Variants in KANTR observed in about 807,000 individuals in gnomAD.
KANTR encodes KANTR integral membrane protein.
intron 2 of KANTR, among the ~76,000 whole-genome samples, chrX:53,109,254 T>G (rs185304512): frequency 8.9e-6 from 1 of 112,164 alleles, no homozygotes; most frequent in East Asian, 2.8e-4. Flanking sequence ...TTGGTTAAAT[T>G]TATTCCTAAG....
downstream of KANTR, among the ~76,000 whole-genome samples, chrX:53,130,503 T>A (rs1933347818): frequency 8.9e-6 from 1 of 112,173 alleles, no homozygotes; most frequent in Non-Finnish European, 1.9e-5. Context: ...TGTTTTAGAA[T>A]TTGTCTAGCA....
chrX:53,130,124 C>T (rs782151751), downstream of KANTR, among the ~76,000 whole-genome samples: 2 of 111,674 alleles, frequency 1.8e-5, no homozygotes, highest in African/African-American at 6.5e-5. Flanking sequence ...ACCTTGGCCT[C>T]CCAAAGTGCT....
chrX:53,147,188 T>G (rs1346203329), downstream of KANTR, among the ~76,000 whole-genome samples: 1 of 110,770 alleles, frequency 9.0e-6, no homozygotes, highest in African/African-American at 3.3e-5. Flanking sequence ...GGATAAAGAG[T>G]CAAGACCCAT....
chrX:53,128,571 T>G (rs1056975467), downstream of KANTR, among the ~76,000 whole-genome samples: 8 of 112,061 alleles, frequency 7.1e-5, no homozygotes, highest in African/African-American at 1.9e-4. Flanking sequence ...ATAAACTGTT[T>G]AGGATTTTTG....
intron 1 of KANTR, 32 bp downstream of exon 1, chrX:53,094,316 G>A (rs1205607599): frequency 9.0e-6 from 1 of 111,691 alleles, no homozygotes; most frequent in Non-Finnish European, 1.9e-5. Flanking sequence ...GCGGTGGGGG[G>A]AGTGGCAGCG....
intron 2 of KANTR, among the ~76,000 whole-genome samples, chrX:53,109,407 C>T (rs1316578787): frequency 1.8e-5 from 2 of 112,167 alleles, no homozygotes; most frequent in Non-Finnish European, 3.8e-5. Context: ...GCCTCAGCCT[C>T]CCGAGTAGCT....
chrX:53,141,428 C>T (rs1028527817), intron 2 of KANTR, among the ~76,000 whole-genome samples: 1 of 111,827 alleles, frequency 8.9e-6, no homozygotes, highest in Non-Finnish European at 1.9e-5. Flanking sequence ...TTATTAGATT[C>T]AATCTGCTCT....
At chrX:53,116,018 T>A (rs964620949) in intron 2 of KANTR, among the ~76,000 whole-genome samples, 9 of 112,368 alleles carry the variant, frequency 8.0e-5, no homozygotes, top group Middle Eastern at 4.2e-3. Flanking sequence ...TAGTTCTTTT[T>A]CTTGTTGCTG....
chrX:53,096,265 C>CT (rs782305350), intron 1 of KANTR, among the ~76,000 whole-genome samples: 1 of 112,271 alleles, frequency 8.9e-6, no homozygotes, highest in Non-Finnish European at 1.9e-5. Flanking sequence ...GGATTTTTGT[C>CT]TTTTTTGTTC....
At chrX:53,101,664 T>G (rs1932894629) in intron 2 of KANTR, among the ~76,000 whole-genome samples, 1 of 110,724 alleles carries the variant, frequency 9.0e-6, no homozygotes, top group Non-Finnish European at 1.9e-5. Flanking sequence ...TGGGTACAGT[T>G]CATGGTGCCC....
At chrX:53,121,662 G>A (rs1413289449) in intron 2 of KANTR, among the ~76,000 whole-genome samples, 5 of 109,169 alleles carry the variant, frequency 4.6e-5, no homozygotes, top group African/African-American at 1.7e-4. Flanking sequence ...AGCCGAGAAT[G>A]ACCTTGTTTT....
At chrX:53,107,111 C>G (rs896420012) in intron 2 of KANTR, among the ~76,000 whole-genome samples, 2 of 109,848 alleles carry the variant, frequency 1.8e-5, no homozygotes, top group South Asian at 7.4e-4. Context: ...AGTCTTCCAA[C>G]TTTGTTCTTT....
At chrX:53,126,617 A>T (rs1933294908) in exon 3 of KANTR, 1 of 111,844 alleles carries the variant, frequency 8.9e-6, no homozygotes, top group Non-Finnish European at 1.9e-5. Flanking sequence ...TACATCTGTT[A>T]TTACTTCTTT....
chrX:53,110,112 G>A (rs781903042), intron 2 of KANTR, among the ~76,000 whole-genome samples: 3 of 111,584 alleles, frequency 2.7e-5, no homozygotes, highest in African/African-American at 3.3e-5. Context: ...AGATTGTGTC[G>A]TCTGCAAATG....
At chrX:53,134,355 T>C (rs1231887607) in intron 2 of KANTR, among the ~76,000 whole-genome samples, 1 of 108,938 alleles carries the variant, frequency 9.2e-6, no homozygotes, top group African/African-American at 3.4e-5. Flanking sequence ...AAAGTGAAAC[T>C]CTGTCTCAAA....
At chrX:53,110,769 A>C (rs1279581031) in intron 2 of KANTR, among the ~76,000 whole-genome samples, 1 of 109,999 alleles carries the variant, frequency 9.1e-6, no homozygotes, top group Non-Finnish European at 1.9e-5. Context: ...CTAAAAATAC[A>C]AAAATTAGCC....
chrX:53,135,534 A>AC (rs1933410884), intron 2 of KANTR, among the ~76,000 whole-genome samples: 1 of 112,291 alleles, frequency 8.9e-6, no homozygotes, highest in East Asian at 2.8e-4. Flanking sequence ...CATGTTAGTT[A>AC]GCTCTTATTG....
chrX:53,117,820 G>A (rs1391815584), intron 2 of KANTR, among the ~76,000 whole-genome samples: 4 of 109,156 alleles, frequency 3.7e-5, no homozygotes, highest in African/African-American at 6.7e-5. Flanking sequence ...GGGTTTCACC[G>A]TGTTGGCCAG....
chrX:53,120,013 C>G (rs1933193055), intron 2 of KANTR, among the ~76,000 whole-genome samples: 1 of 108,686 alleles, frequency 9.2e-6, no homozygotes, highest in Admixed American at 9.8e-5. Flanking sequence ...GCTACCTTGA[C>G]CAGCCCCCCT....
Sources: gnomAD v4.1 joint callset for allele counts (sites outside exome capture counted in the v4.1 genomes callset) on GRCh38, gnomAD v4.1.1 for gene constraint, MANE v1.5 for transcripts, NCBI Gene and HGNC (gene_info 2026-07-23, HGNC 2026-07-21) for gene names.